Variants in TBC1D22A observed in about 807,000 individuals in gnomAD.
The protein encoded by TBC1D22A is TBC1 domain family member 22A.
Under a neutral mutation model 60.2 loss-of-function variants are expected in TBC1D22A, and 38 were observed. The ratio of observed to expected loss-of-function variants is 0.63; its 90% CI spans 0.49 to 0.83. The LOEUF (loss-of-function observed/expected upper bound fraction) is 0.83, where lower values mean the gene tolerates loss of function less well. Among genes scored for constraint, TBC1D22A ranks in the 40% least tolerant of loss-of-function variants. The probability of loss-of-function intolerance (pLI) is 0.00; values close to 1 mark genes in which losing one functional copy is unlikely to be tolerated. For synonymous variants in TBC1D22A, 302 were observed against 281.7 expected, an observed-to-expected ratio of 1.07 and a Z score of -0.72; for missense variants, 628 against 701.0, an observed-to-expected ratio of 0.90 and a Z score of 1.18.
At chr22:47,172,885 C>T (rs563973589) in intron 12 of TBC1D22A, among the ~76,000 whole-genome samples, 6 of 152,316 alleles carry the variant, frequency 3.9e-5, no homozygotes, top group Admixed American at 2.0e-4. Flanking sequence ...CCTGGGCTCC[C>T]GGGGTGGGCC....
At chr22:46,939,804 C>T (rs972084600) in intron 8 of TBC1D22A, among the ~76,000 whole-genome samples, 4 of 152,168 alleles carry the variant, frequency 2.6e-5, no homozygotes, top group African/African-American at 7.2e-5. Context: ...TTAGAATCAC[C>T]GTTGCGTTTC....
chr22:47,120,091 C>G (rs1206323287), intron 12 of TBC1D22A, among the ~76,000 whole-genome samples: 1 of 152,178 alleles, frequency 6.6e-6, no homozygotes, highest in Non-Finnish European at 1.5e-5. Flanking sequence ...CCTCAGAGAT[C>G]AGGCCAGCAC....
At chr22:46,775,397 T>C (rs1009256688) in intron 1 of TBC1D22A, among the ~76,000 whole-genome samples, 5 of 152,002 alleles carry the variant, frequency 3.3e-5, no homozygotes, top group Admixed American at 6.6e-5. Context: ...ACAACCACAG[T>C]TTTATAGAAT....
chr22:46,848,790 C>G (rs2087138185), intron 4 of TBC1D22A, among the ~76,000 whole-genome samples: 1 of 152,064 alleles, frequency 6.6e-6, no homozygotes, highest in South Asian at 2.1e-4. Context: ...CTCACGTACA[C>G]TTTGGGTTGC....
chr22:47,118,116 C>T (rs1380527726), intron 12 of TBC1D22A, among the ~76,000 whole-genome samples: 2 of 151,460 alleles, frequency 1.3e-5, no homozygotes, highest in Non-Finnish European at 2.9e-5. Context: ...GAGTGAGACT[C>T]CGTCTCAAAA....
At chr22:47,118,715 G>A in intron 12 of TBC1D22A, among the ~76,000 whole-genome samples, 1 of 152,040 alleles carries the variant, frequency 6.6e-6, no homozygotes, top group East Asian at 1.9e-4. Flanking sequence ...TAGTGAAATA[G>A]GCAGACCTCC....
At chr22:46,899,586 A>G (rs2068870788) in intron 7 of TBC1D22A, among the ~76,000 whole-genome samples, 1 of 151,846 alleles carries the variant, frequency 6.6e-6, no homozygotes, top group Non-Finnish European at 1.5e-5. Context: ...ACAGGCCAGA[A>G]CTCGATTACT....
Position 47,111,752 on chromosome 22 carries a change from G to A in TBC1D22A, c.1425+149G>A, listed in dbSNP as rs1031160157. 4.0e-5 allele frequency: 28 copies of A among 698,630 alleles called. No homozygotes were observed. The East Asian group carries it at 4.2e-4, about 11-fold the overall frequency. 43.3% of individuals were successfully genotyped at this position (698,630 alleles called of 1,614,324 possible). On this transcript the variant is annotated intron_variant, in intron 12 of 12. Transcript: ENST00000337137. ...CTGACCTCCTGCTGGTTGAAAGCTC[G>A]TCCAGCTGAGGAGATGAGCCTGGCA...
At chr22:47,086,387 G>A (rs1204163404) in intron 11 of TBC1D22A, among the ~76,000 whole-genome samples, 7 of 152,176 alleles carry the variant, frequency 4.6e-5, no homozygotes, top group Admixed American at 1.3e-4. Context: ...CCTGGGAGGC[G>A]GAGGTTGCGG....
intron 8 of TBC1D22A, among the ~76,000 whole-genome samples, chr22:46,937,582 TAA>T (rs142709274): frequency 6.6e-6 from 1 of 151,530 alleles, no homozygotes; most frequent in Non-Finnish European, 1.5e-5. Flanking sequence ...GTAATACTTC[TAA>T]AAAAAAAGTT....
intron 12 of TBC1D22A, among the ~76,000 whole-genome samples, chr22:47,148,044 A>T (rs2067350866): frequency 6.6e-6 from 1 of 152,212 alleles, no homozygotes; most frequent in Non-Finnish European, 1.5e-5. Flanking sequence ...CCTTGATCCC[A>T]GAGGTGCCTC....
At chr22:46,898,715 T>C (rs1384977120) in intron 7 of TBC1D22A, among the ~76,000 whole-genome samples, 2 of 152,110 alleles carry the variant, frequency 1.3e-5, no homozygotes, top group Non-Finnish European at 2.9e-5. Context: ...CATGGTGAAA[T>C]TTTTACAGAA....
chr22:46,775,972 G>C (rs903760849), intron 1 of TBC1D22A, among the ~76,000 whole-genome samples: 1 of 152,242 alleles, frequency 6.6e-6, no homozygotes, highest in African/African-American at 2.4e-5. Flanking sequence ...GCCCTGGGGC[G>C]TGTGCAAAGG....
chr22:46,871,763 C>T (rs897667481), intron 4 of TBC1D22A, among the ~76,000 whole-genome samples: 1 of 152,148 alleles, frequency 6.6e-6, no homozygotes, highest in African/African-American at 2.4e-5. Context: ...ATATTCAACG[C>T]TCTCATTTTA....
chr22:46,866,904 T>C (rs1031095463), intron 4 of TBC1D22A, among the ~76,000 whole-genome samples: 8 of 152,226 alleles, frequency 5.3e-5, no homozygotes, highest in East Asian at 3.8e-4. Flanking sequence ...TCCTTTATTA[T>C]GCTAACAGAA....
intron 12 of TBC1D22A, among the ~76,000 whole-genome samples, chr22:47,112,619 C>T (rs1197273851): frequency 2.0e-5 from 3 of 152,172 alleles, no homozygotes; most frequent in African/African-American, 7.2e-5. Context: ...AGGGCCATAC[C>T]GAGGCCAAGA....
At chr22:47,093,745 T>A (rs761578470) in intron 11 of TBC1D22A, among the ~76,000 whole-genome samples, 1 of 152,228 alleles carries the variant, frequency 6.6e-6, no homozygotes, top group Non-Finnish European at 1.5e-5. Flanking sequence ...GGTTAATTTA[T>A]ACGTCAACTT....
chr22:46,926,984 G>T (rs948884282), intron 8 of TBC1D22A, among the ~76,000 whole-genome samples: 1 of 151,992 alleles, frequency 6.6e-6, no homozygotes, highest in African/African-American at 2.4e-5. Context: ...AAAGAAAATC[G>T]TAGGACTAGA....
chr22:46,860,677 A>G (rs1419669266), intron 4 of TBC1D22A, among the ~76,000 whole-genome samples: 1 of 152,106 alleles, frequency 6.6e-6, no homozygotes, highest in Non-Finnish European at 1.5e-5. Flanking sequence ...AGGTCTGTGC[A>G]GTGCTGTGCC....
Sources: allele counts gnomAD v4.1 joint callset (sites outside exome capture counted in the v4.1 genomes callset), GRCh38; gene constraint gnomAD v4.1.1; transcripts MANE v1.5; gene names NCBI Gene and HGNC (gene_info 2026-07-23, HGNC 2026-07-21).